Variants in EDIL3 observed in about 807,000 individuals in gnomAD.
The protein encoded by EDIL3 is EGF like and discoidin domains 3.
In EDIL3, 37 loss-of-function variants were observed where a neutral mutation model predicts 67.4. The observed-to-expected ratio is 0.55, with a 90% CI of 0.42 to 0.72. The LOEUF (loss-of-function observed/expected upper bound fraction) is 0.72, where lower values mean the gene tolerates loss of function less well. Among genes scored for constraint, EDIL3 ranks in the 30% least tolerant of loss-of-function variants. EDIL3 has a pLI of 0.00. For synonymous variants in EDIL3, 195 were observed against 196.3 expected (o/e 0.99, Z 0.05); for missense variants, 527 against 586.3 (o/e 0.90, Z 1.04).
chr5:84,273,660 A>G (rs1340121335), intron 1 of EDIL3, among the ~76,000 whole-genome samples: 2 of 152,130 alleles, frequency 1.3e-5, no homozygotes, highest in African/African-American at 4.8e-5. Flanking sequence ...TCAACCACAC[A>G]TCTTTTGTTT....
intron 7 of EDIL3, among the ~76,000 whole-genome samples, chr5:84,066,249 G>GA (rs1380152497): frequency 6.6e-6 from 1 of 152,036 alleles, no homozygotes; most frequent in Non-Finnish European, 1.5e-5. Context: ...TAAAATCTGT[G>GA]AAAATCTTAA....
chr5:84,214,380 T>C (rs1032188617), intron 3 of EDIL3, among the ~76,000 whole-genome samples: 2 of 152,146 alleles, frequency 1.3e-5, no homozygotes, highest in African/African-American at 2.4e-5. Context: ...GATATTTGCA[T>C]ACAACCTATG....
At chr5:84,259,263 A>G (rs1745180803) in intron 1 of EDIL3, among the ~76,000 whole-genome samples, 1 of 152,094 alleles carries the variant, frequency 6.6e-6, no homozygotes, top group Non-Finnish European at 1.5e-5. Flanking sequence ...CTGGTCTGGT[A>G]AAGTCTTTTA....
intron 1 of EDIL3, among the ~76,000 whole-genome samples, chr5:84,287,352 G>A (rs1293510353): frequency 6.6e-6 from 1 of 152,098 alleles, no homozygotes; most frequent in Non-Finnish European, 1.5e-5. Context: ...AAAGGTGTTG[G>A]TCTTCTCTGC....
intron 4 of EDIL3, among the ~76,000 whole-genome samples, chr5:84,145,765 C>A (rs1221915854): frequency 6.6e-6 from 1 of 151,962 alleles, no homozygotes; most frequent in African/African-American, 2.4e-5. Context: ...AGTGTCCATG[C>A]AAATATTTGA....
At chr5:84,269,263 G>A (rs1360391981) in intron 1 of EDIL3, among the ~76,000 whole-genome samples, 2 of 152,076 alleles carry the variant, frequency 1.3e-5, no homozygotes, top group Admixed American at 6.5e-5. Context: ...ATATGAATAT[G>A]TCAAAATTTA....
intron 1 of EDIL3, among the ~76,000 whole-genome samples, chr5:84,311,672 A>T (rs1746392422): frequency 6.6e-6 from 1 of 152,026 alleles, no homozygotes; most frequent in Non-Finnish European, 1.5e-5. Context: ...AAGTGAACAA[A>T]GGTCTCTGGT....
chr5:83,997,618 T>A (rs561182162), intron 9 of EDIL3, among the ~76,000 whole-genome samples: 1 of 152,272 alleles, frequency 6.6e-6, no homozygotes, highest in South Asian at 2.1e-4. Flanking sequence ...GTTTACTACA[T>A]AAGTCTAGAG....
At chr5:84,333,789 T>G (rs1361474425) in intron 1 of EDIL3, among the ~76,000 whole-genome samples, 1 of 152,100 alleles carries the variant, frequency 6.6e-6, no homozygotes, top group Non-Finnish European at 1.5e-5. Context: ...ATATAATCAA[T>G]AAAAATAAGT....
chr5:84,080,298 CA>C (rs369961167), intron 6 of EDIL3, among the ~76,000 whole-genome samples: 76 of 54,272 alleles, frequency 1.4e-3, no homozygotes, highest in Admixed American at 3.9e-3. Flanking sequence ...GACTCTGTCT[CA>C]AAAAAAAAAA....
At chr5:84,209,141 C>T (rs975329161) in intron 3 of EDIL3, among the ~76,000 whole-genome samples, 15 of 151,718 alleles carry the variant, frequency 9.9e-5, no homozygotes, top group Admixed American at 3.3e-4. Context: ...AACCAAACAC[C>T]GCATGTTCTC....
chr5:84,225,203 T>A (rs915785011), intron 3 of EDIL3, among the ~76,000 whole-genome samples: 2 of 151,590 alleles, frequency 1.3e-5, no homozygotes, highest in Non-Finnish European at 3.0e-5. Context: ...AACAAGCCAA[T>A]GCTTCCCAAT....
chr5:84,307,828 G>GA (rs1561252296), intron 1 of EDIL3, among the ~76,000 whole-genome samples: 1 of 152,070 alleles, frequency 6.6e-6, no homozygotes, highest in Non-Finnish European at 1.5e-5. Context: ...ACAGAGCAAT[G>GA]AAAAAATTGA....
chr5:84,161,528 T>A lies in EDIL3; in HGVS notation c.355+18865A>T, dbSNP rs141526851. Among the ~76,000 whole-genome samples, 739 of 152,216 alleles carry A rather than the reference T, an allele frequency of 4.9e-3. 6 individuals are homozygous for A. Among genetic ancestry groups the A allele is most frequent in the African/African-American group, 0.017 (700 of 41,548 alleles). On this transcript the variant is annotated intron_variant, in intron 4 of 10. Transcript: ENST00000296591. ...CATCCTTTACCTAATACTAGATATT[T>A]GTTTCTACCTGATCCTGAATCAAAT...
intron 1 of EDIL3, among the ~76,000 whole-genome samples, chr5:84,310,018 C>T (rs560661408): frequency 6.6e-6 from 1 of 152,242 alleles, no homozygotes; most frequent in East Asian, 1.9e-4. Flanking sequence ...CACTGCTTCC[C>T]CTCAATTCCA....
intron 3 of EDIL3, among the ~76,000 whole-genome samples, chr5:84,229,296 T>C (rs1744516084): frequency 6.6e-6 from 1 of 152,162 alleles, no homozygotes; most frequent in East Asian, 1.9e-4. Context: ...ACTAATTAGC[T>C]GGATAAGGAA....
chr5:84,229,942 G>C (rs929786026), intron 2 of EDIL3, 58 bp from the exon 3 acceptor site: 10 of 1,417,444 alleles, frequency 7.1e-6, no homozygotes, highest in South Asian at 2.5e-5. Context: ...GAGGGAGAAG[G>C]GGGGAGAGAG....
chr5:84,056,183 G>A (rs183694342), intron 9 of EDIL3, among the ~76,000 whole-genome samples: 90 of 152,240 alleles, frequency 5.9e-4, no homozygotes, highest in Admixed American at 7.2e-4. Flanking sequence ...GGACATGGAT[G>A]AAGCTGGAAA....
At chr5:84,336,316 G>T (rs1015192179) in intron 1 of EDIL3, among the ~76,000 whole-genome samples, 1 of 152,178 alleles carries the variant, frequency 6.6e-6, no homozygotes, top group Non-Finnish European at 1.5e-5. Flanking sequence ...GGTAAATGTG[G>T]ATCAGGTCAT....
Sources: gnomAD v4.1 joint callset for allele counts (sites outside exome capture counted in the v4.1 genomes callset) on GRCh38, gnomAD v4.1.1 for gene constraint, MANE v1.5 for transcripts, NCBI Gene and HGNC (gene_info 2026-07-23, HGNC 2026-07-21) for gene names.